Variants in PLCB2 observed in about 807,000 individuals in gnomAD.
PLCB2 encodes the protein phospholipase C beta 2, also known as 1-phosphatidylinositol 4,5-bisphosphate phosphodiesterase beta-2.
Under a neutral mutation model 141.7 loss-of-function variants are expected in PLCB2, and 115 were observed. The observed-to-expected ratio is 0.81, with a 90% CI of 0.70 to 0.95. The LOEUF (loss-of-function observed/expected upper bound fraction) is 0.95. PLCB2 is among the 40% of genes least tolerant of loss of function. The probability of loss-of-function intolerance (pLI) is 0.00; values close to 1 mark genes in which losing one functional copy is unlikely to be tolerated. For synonymous variants in PLCB2, 603 were observed against 595.6 expected, an observed-to-expected ratio of 1.01 and a Z score of -0.18; for missense variants, 1,403 against 1,541.1, an observed-to-expected ratio of 0.91 and a Z score of 1.50.
intron 19 of PLCB2, among the ~76,000 whole-genome samples, chr15:40,294,040 A>C (rs1288111922): frequency 6.6e-6 from 1 of 151,120 alleles, no homozygotes; most frequent in Non-Finnish European, 1.5e-5. Flanking sequence ...CCCCTCCCCC[A>C]CCCCAGCCTC....
In PLCB2 at chr15:40,289,953, G is replaced by C. The variant is rs1423259606; in HGVS notation, c.3267+72C>G. The C allele has an allele frequency of 1.3e-4, 85 of 648,936 alleles. 1 individual carries two copies. The highest frequency in any genetic ancestry group is 2.3e-4 in the Non-Finnish European group (84 of 359,924). The allele number at this position is 648,936 out of a possible 1,614,324, so 40.2% of individuals were successfully genotyped here. ...AGAGAGAGAGAGAGAGAGAGAGAGA[G>C]AGAGAGAGAGAGAGAGTGTGTGTGT... is the stretch of plus-strand genomic sequence containing the variant. On this transcript the variant is annotated intron_variant, in intron 30 of 31. Transcript: ENST00000260402.
downstream of PLCB2, chr15:40,287,749 T>A (rs2039639358): frequency 6.0e-6 from 1 of 166,284 alleles, no homozygotes; most frequent in Admixed American, 6.5e-5. Context: ...CCTCTTCAAG[T>A]CCAGAGGCAG....
At chr15:40,307,476 A>G (rs953982471) in intron 1 of PLCB2, 113 bp downstream of exon 1, 5 of 598,276 alleles carry the variant, frequency 8.4e-6, no homozygotes, top group Non-Finnish European at 1.4e-5. Flanking sequence ...CAAACCACAC[A>G]GGCGCCTGGA....
chr15:40,307,450 G>C, intron 1 of PLCB2, 139 bp downstream of exon 1: 1 of 519,708 alleles, frequency 1.9e-6, no homozygotes, highest in Non-Finnish European at 3.5e-6. Context: ...CCAAGCAGTG[G>C]TGTCAGCTGC....
rs747892247 is a variant in PLCB2, at chr15:40,288,874, A to C, written c.3399T>G (p.Gly1133=). 1 of 1,613,748 alleles carries C rather than the reference A, an allele frequency of 6.2e-7. No homozygotes were observed. Among genetic ancestry groups the C allele is most frequent in the South Asian group, 1.1e-5 (1 of 91,072 alleles). The change falls in exon 32 of 32, where the codon GGT becomes GGG. Residue 1133 remains glycine, a synonymous_variant. Coordinates refer to ENST00000260402, the MANE Select transcript of PLCB2 (RefSeq NM_004573.3). ...ALAEYEARMK[G]LEAEVKESVR... ...CCGACTCCTTCACCTCTGCCTCCAGACCCTTCATCCTGGCCTCGTACTCTG... is the reference window on the plus strand; with the variant it reads ...CCGACTCCTTCACCTCTGCCTCCAGCCCCTTCATCCTGGCCTCGTACTCTG...
At position 40,289,293 on chromosome 15, in the gene PLCB2, C is replaced by T; in HGVS notation, c.3333G>A (p.Gln1111=). 1 of 1,614,056 alleles carries T rather than the reference C, an allele frequency of 6.2e-7. No individual in the cohort carries two copies. Among genetic ancestry groups the T allele is most frequent in the Non-Finnish European group, 8.5e-7 (1 of 1,179,904 alleles). The stretch of plus-strand genomic sequence containing the variant: ...TTACCTGCTTTTCCATCTCCCGTAT[C>T]TGTTCCAGGCAAGCCGCCTGCTTCT... ...LEEKQAACLE[Q]IREMEKQFQK... The change falls in exon 31 of 32, where the codon CAG becomes CAA. Residue 1111 remains glutamine (Q), a synonymous_variant. Transcript: ENST00000260402.
chr15:40,297,028 G>T lies in PLCB2; in HGVS notation c.1324-120C>A. Reference sequence around the variant, plus strand: ...TCCTCTTGACCTGCCTCTCACTACTGCTTATCATCCCCATTCTCACTGAGA... The same window carrying T: ...TCCTCTTGACCTGCCTCTCACTACTTCTTATCATCCCCATTCTCACTGAGA... On this transcript the variant is annotated intron_variant, in intron 13 of 31. Transcript: ENST00000260402. The surrounding 1 kb of genome is among the most constrained non-coding windows in gnomAD (Gnocchi z 4.2). 1.1e-6 allele frequency: 1 copy of T among 889,960 alleles called. No individual in the cohort carries two copies. Among genetic ancestry groups the T allele is most frequent in the Non-Finnish European group, 1.8e-6 (1 of 553,954 alleles). The allele number at this position is 889,960 out of a possible 1,614,324, so 55.1% of individuals were successfully genotyped here.
At chr15:40,307,480 G>A (rs548251301) in intron 1 of PLCB2, 109 bp downstream of exon 1, 12 of 611,908 alleles carry the variant, frequency 2.0e-5, no homozygotes, top group South Asian at 9.8e-5. Context: ...CCACACAGGC[G>A]CCTGGATCCT....
chr15:40,292,590 T>C, intron 21 of PLCB2, 147 bp from the exon 22 acceptor site: 1 of 574,678 alleles, frequency 1.7e-6, no homozygotes, highest in Non-Finnish European at 3.1e-6. Flanking sequence ...TCTCTGAGAC[T>C]TTACTCATCT....
chr15:40,296,088 T>A (rs1331776504), intron 16 of PLCB2, among the ~76,000 whole-genome samples: 1 of 152,108 alleles, frequency 6.6e-6, no homozygotes, highest in Non-Finnish European at 1.5e-5. Context: ...CAAGGTGGCC[T>A]GTCATAACGC....
Position 40,297,256 on chromosome 15 carries a change from C to T in PLCB2, c.1323+265G>A, listed in dbSNP as rs1316191610. On this transcript the variant is annotated intron_variant, in intron 13 of 31. Coordinates refer to ENST00000260402, the MANE Select transcript of PLCB2 (RefSeq NM_004573.3). This position sits in a 1 kb window ranked among gnomAD's most constrained non-coding sequence, Gnocchi z 4.2. ...AACTCCCCAGGTGCTCCCATAACAA[C>T]CACTGGATTGTAATGGCCTGGTTAC... is the stretch of plus-strand genomic sequence containing the variant. 6.6e-6 allele frequency among the ~76,000 whole-genome samples: 1 copy of T among 152,114 alleles called. No individual in the cohort carries two copies. The highest frequency in any genetic ancestry group is 2.4e-5 in the African/African-American group (1 of 41,402).
intron 18 of PLCB2, 29 bp downstream of exon 18, chr15:40,294,907 G>A (rs370115601): frequency 4.3e-6 from 7 of 1,613,764 alleles, no homozygotes; most frequent in Non-Finnish European, 5.9e-6. Flanking sequence ...ACCAGGGAAG[G>A]ATTCTTAGGG....
chr15:40,301,631 T>A (rs756730902), intron 7 of PLCB2: 38 of 702,748 alleles, frequency 5.4e-5, no homozygotes, highest in Non-Finnish European at 8.6e-5. Flanking sequence ...CACGCTCAGC[T>A]CCCATTCCCA....
chr15:40,302,270 A>G lies in PLCB2; in HGVS notation c.452T>C (p.Ile151Thr), dbSNP rs201004233. ...CTCAGGCCAGGCAGAGGGCACTTAC[A>G]TCTTGTCCAGGAAGGTGCTGCGGGA... ...NASRSTFLDK[I>T]LVKLKMQLNS... The change falls in exon 5 of 32, where the codon ATC becomes ACC. Residue 151 changes from isoleucine (I) to threonine (T), a missense_variant and splice_region_variant. This residue lies in a region of PLCB2 where 975 missense variants were observed against 1,141.1 expected (regional missense o/e 0.85). Coordinates refer to ENST00000260402, the MANE Select transcript of PLCB2 (RefSeq NM_004573.3). The G allele has an allele frequency of 8.7e-5, 141 of 1,614,064 alleles. No homozygotes were observed. The highest frequency in any genetic ancestry group is 1.6e-4 in the Middle Eastern group (1 of 6,084).
rs959376419 is a variant in PLCB2 at position 40,298,137 on chromosome 15, G to A, written c.1155+86C>T. On this transcript the variant is annotated intron_variant, in intron 11 of 31. Coordinates refer to ENST00000260402, the MANE Select transcript of PLCB2 (RefSeq NM_004573.3). The stretch of plus-strand genomic sequence containing the variant: ...GCCTTCCAGCCATTCATCTTCTCTA[G>A]CTTCAGCCCTCCAACCCCTCAAAGC... The A allele has an allele frequency of 3.5e-6, 5 of 1,408,560 alleles. No individual in the cohort carries two copies. In the African/African-American group the frequency reaches 7.2e-5, roughly 20 times the overall value. 87.3% of individuals were successfully genotyped at this position (1,408,560 alleles called of 1,614,324 possible).
chr15:40,291,833 G>A lies in PLCB2; in HGVS notation c.2602+16C>T, dbSNP rs2039950202. On this transcript the variant is annotated intron_variant, in intron 24 of 31. Coordinates refer to ENST00000260402, the MANE Select transcript of PLCB2 (RefSeq NM_004573.3). ...GTGGAGGTGCCCCCAGTAGGTGTGC[G>A]GACCGAAGCTCATACCTGGTGACCC... 1 of 1,613,940 alleles carries A rather than the reference G, an allele frequency of 6.2e-7. No homozygotes were observed. The highest frequency in any genetic ancestry group is 8.5e-7 in the Non-Finnish European group (1 of 1,179,948).
intron 1 of PLCB2, among the ~76,000 whole-genome samples, chr15:40,304,642 C>CT (rs773134823): frequency 5.3e-5 from 8 of 152,124 alleles, no homozygotes; most frequent in Non-Finnish European, 1.5e-5. Context: ...GCTACAGTAA[C>CT]CGGGGGGATG....
At position 40,295,278 on chromosome 15, in the gene PLCB2, G is replaced by A; in HGVS notation, c.1704C>T (p.Asn568=). 1 of 1,612,080 alleles carries A rather than the reference G, an allele frequency of 6.2e-7. No individual in the cohort carries two copies. The highest frequency in any genetic ancestry group is 8.5e-7 in the Non-Finnish European group (1 of 1,178,142). ...TGAAGGACGAGATGACATAACTTCG[G>A]TTCTTTTCTATATAGGGGAGAAAGG... is the stretch of plus-strand genomic sequence containing the variant. ...FVSFEFSAQK[N]RSYVISSFTE... is the part of the protein sequence containing the mutation. The change falls in exon 17 of 32, where the codon AAC becomes AAT. Residue 568 remains asparagine (N), a synonymous_variant. Coordinates refer to ENST00000260402, the MANE Select transcript of PLCB2 (RefSeq NM_004573.3).
In PLCB2 at chr15:40,302,123, T is replaced by C. The variant is rs2040541590; in HGVS notation, c.506+13A>G. The C allele has an allele frequency of 1.2e-6, 2 of 1,610,062 alleles. No homozygotes were observed. Among genetic ancestry groups the C allele is most frequent in the African/African-American group, 2.7e-5 (2 of 74,226 alleles). On this transcript the variant is annotated intron_variant, in intron 6 of 31. Coordinates refer to ENST00000260402, the MANE Select transcript of PLCB2 (RefSeq NM_004573.3). ...GAGCCCCTGGAAGCCTGGGGAGGGG[T>C]TGGGGGGCTCACTTCTTCACCGGAA...
Sources: gnomAD v4.1 joint callset for allele counts (sites outside exome capture counted in the v4.1 genomes callset) on GRCh38, gnomAD v4.1.1 for gene constraint, gnomAD v4.1.1 regional missense constraint, Gnocchi (gnomAD v3.1) non-coding constraint, MANE v1.5 for transcripts, NCBI Gene and HGNC (gene_info 2026-07-23, HGNC 2026-07-21) for gene names.